PPM1H: variants seen among roughly 807,000 people sequenced by gnomAD.
PPM1H encodes protein phosphatase 1H.
PPM1H carries 27 observed loss-of-function variants against 54.9 expected under a neutral mutation model. The observed-to-expected ratio is 0.49, with a 90% confidence interval of 0.36 to 0.68. PPM1H has a LOEUF of 0.68. PPM1H is among the 30% of genes least tolerant of loss of function. The pLI is 0.00. For synonymous variants in PPM1H, 305 were observed against 270.8 expected (o/e 1.13, Z -1.24); for missense variants, 596 against 667.8 (o/e 0.89, Z 1.19).
chr12:62,720,130 C>A (rs1361804534), intron 6 of PPM1H, 41 bp downstream of exon 6: 1 of 1,492,466 alleles, frequency 6.7e-7, no homozygotes, highest in Non-Finnish European at 9.3e-7. Context: ...TTCCTTCACA[C>A]ACACTGTGTG....
intron 3 of PPM1H, among the ~76,000 whole-genome samples, chr12:62,801,232 A>G (rs1442404723): frequency 6.6e-6 from 1 of 152,210 alleles, no homozygotes; most frequent in Non-Finnish European, 1.5e-5. Context: ...ACCAGCTGGC[A>G]TCAATATGAA....
At chr12:62,830,888 C>T (rs1437827827) in intron 2 of PPM1H, among the ~76,000 whole-genome samples, 4 of 152,304 alleles carry the variant, frequency 2.6e-5, no homozygotes, top group Middle Eastern at 3.4e-3. Flanking sequence ...GGAGTCTGCA[C>T]TGTCGCCCAG....
intron 1 of PPM1H, among the ~76,000 whole-genome samples, chr12:62,880,813 G>T (rs1592651709): frequency 6.6e-6 from 1 of 152,074 alleles, no homozygotes; most frequent in African/African-American, 2.4e-5. Context: ...TTCTCCAGGT[G>T]CTCGCCCTGC....
In PPM1H at chr12:62,646,215, A is replaced by G. The variant is rs994015874; in HGVS notation, c.*2274T>C. On this transcript the variant is annotated 3_prime_UTR_variant, in exon 10 of 10. Transcript: ENST00000228705. Reference sequence around the variant, plus strand: ...AGGACTAAGTGCTCAAGATTTTATAATATTTCGATTTAGAGGTTTCTAGAG... The same window carrying G: ...AGGACTAAGTGCTCAAGATTTTATAGTATTTCGATTTAGAGGTTTCTAGAG... The G allele has an allele frequency of 1.3e-5, 2 of 152,284 alleles. No homozygotes were observed. Among genetic ancestry groups the G allele is most frequent in the East Asian group, 1.9e-4 (1 of 5,180 alleles). The allele number at this position is 152,284 out of a possible 1,614,324, so 9.4% of individuals were successfully genotyped here. A position where few individuals can be genotyped will look rare whatever the true frequency, so the allele number is the denominator to read the frequency against.
At chr12:62,933,687 G>A (rs774206960) in intron 1 of PPM1H, among the ~76,000 whole-genome samples, 4 of 152,162 alleles carry the variant, frequency 2.6e-5, no homozygotes, top group Non-Finnish European at 4.4e-5. Flanking sequence ...CAGTGGAAAA[G>A]TGGCCATGGA....
intron 1 of PPM1H, among the ~76,000 whole-genome samples, chr12:62,898,265 T>C (rs1361333917): frequency 6.6e-6 from 1 of 152,200 alleles, no homozygotes; most frequent in Non-Finnish European, 1.5e-5. Context: ...TTTAAAATGA[T>C]CCATCTGTTT....
At chr12:62,821,635 C>T (rs1211249903) in intron 2 of PPM1H, among the ~76,000 whole-genome samples, 1 of 151,422 alleles carries the variant, frequency 6.6e-6, no homozygotes, top group Admixed American at 6.6e-5. Flanking sequence ...TCTTAAAGAA[C>T]CCAGAATTTC....
intron 1 of PPM1H, among the ~76,000 whole-genome samples, chr12:62,908,827 C>A (rs1871376580): frequency 6.6e-6 from 1 of 152,176 alleles, no homozygotes. Context: ...CTAAGAAAAA[C>A]ATTTTCCCTT....
At chr12:62,725,226 A>C (rs904298781) in intron 5 of PPM1H, among the ~76,000 whole-genome samples, 21 of 152,314 alleles carry the variant, frequency 1.4e-4, no homozygotes, top group African/African-American at 4.1e-4. Flanking sequence ...ATGTTCTTCC[A>C]AGCTGCTGGA....
intron 5 of PPM1H, among the ~76,000 whole-genome samples, chr12:62,735,027 GA>G: frequency 6.6e-6 from 1 of 152,106 alleles, no homozygotes; most frequent in Non-Finnish European, 1.5e-5. Context: ...CTGGACGACA[GA>G]GTGAAACCCT....
intron 4 of PPM1H, among the ~76,000 whole-genome samples, chr12:62,764,281 A>G (rs1294686839): frequency 3.3e-5 from 5 of 152,154 alleles, no homozygotes; most frequent in Non-Finnish European, 7.3e-5. Flanking sequence ...CTTATGTCCT[A>G]TATTGCCAGG....
At position 62,736,171 on chromosome 12, in the gene PPM1H, A is replaced by G. The variant is rs549509066; in HGVS notation, c.954+1331T>C. 2.0e-5 allele frequency among the ~76,000 whole-genome samples: 3 copies of G among 152,310 alleles called. No individual in the cohort carries two copies. In the South Asian group the frequency reaches 6.2e-4, roughly 32 times the overall value. On this transcript the variant is annotated intron_variant, in intron 5 of 9. Transcript: ENST00000228705. ...AGAGAGGCTAGCTATAACGAATTCT[A>G]CTTGGAGGGATCCTTGCAGCTCAGA...
intron 6 of PPM1H, 31 bp downstream of exon 6, chr12:62,720,140 G>C (rs369120120): frequency 4.0e-6 from 6 of 1,515,964 alleles, no homozygotes; most frequent in East Asian, 2.3e-5. Context: ...CACACTGTGT[G>C]GTTCCGAGGC....
chr12:62,674,065 A>G (rs2075972571), intron 8 of PPM1H, among the ~76,000 whole-genome samples: 1 of 152,056 alleles, frequency 6.6e-6, no homozygotes, highest in African/African-American at 2.4e-5. Context: ...AAACTGAAAA[A>G]CACAAGAAAA....
intron 1 of PPM1H, among the ~76,000 whole-genome samples, chr12:62,868,110 C>T (rs629499): frequency 1.3e-5 from 2 of 151,930 alleles, no homozygotes; most frequent in East Asian, 3.9e-4. Flanking sequence ...CTGCCCTCCT[C>T]CCCTGGCTTG....
At chr12:62,843,141 C>T (rs1336337270) in intron 1 of PPM1H, among the ~76,000 whole-genome samples, 1 of 152,086 alleles carries the variant, frequency 6.6e-6, no homozygotes, top group African/African-American at 2.4e-5. Flanking sequence ...CATGGTGAAA[C>T]CCTGTCTCTA....
At chr12:62,932,628 C>CTTTTGTTTTTTTTTTTTTTTTTT (rs1872177284) in intron 1 of PPM1H, among the ~76,000 whole-genome samples, 1 of 54,012 alleles carries the variant, frequency 1.9e-5, no homozygotes, top group Non-Finnish European at 3.2e-5. Context: ...TCCAAATGGG[C>CTTTTGTTTTTTTTTTTTTTTTTT]TTTTTTTTTT....
chr12:62,846,746 C>T (rs1868986975), intron 1 of PPM1H, among the ~76,000 whole-genome samples: 1 of 152,082 alleles, frequency 6.6e-6, no homozygotes, highest in Non-Finnish European at 1.5e-5. Context: ...CATCCCTTGT[C>T]CTTCAGTATT....
At chr12:62,853,443 T>C (rs1366746203) in intron 1 of PPM1H, among the ~76,000 whole-genome samples, 1 of 151,740 alleles carries the variant, frequency 6.6e-6, no homozygotes, top group Admixed American at 6.6e-5. Context: ...TAAAATAAAA[T>C]GTGAAAACAT....
Sources: gnomAD v4.1 joint callset for allele counts (sites outside exome capture counted in the v4.1 genomes callset) on GRCh38, gnomAD v4.1.1 for gene constraint, MANE v1.5 for transcripts, NCBI Gene and HGNC (gene_info 2026-07-23, HGNC 2026-07-21) for gene names.